The following REEP3 variants were observed in gnomAD, a reference collection of about 807,000 sequenced individuals.
REEP3 encodes the protein receptor accessory protein 3.
In REEP3, 20 loss-of-function variants were observed where a neutral mutation model predicts 41.3. The ratio of observed to expected loss-of-function variants is 0.48; its 90% CI spans 0.34 to 0.70. REEP3 has a LOEUF of 0.70. Among genes scored for constraint, REEP3 ranks in the 30% least tolerant of loss-of-function variants. The probability of loss-of-function intolerance (pLI) is 0.01; values close to 1 mark genes in which losing one functional copy is unlikely to be tolerated. For missense variants in REEP3, 271 were observed against 308.8 expected, an observed-to-expected ratio of 0.88 and a Z score of 0.92; for synonymous variants, 104 against 101.8, an observed-to-expected ratio of 1.02 and a Z score of -0.13.
intron 5 of REEP3, among the ~76,000 whole-genome samples, chr10:63,605,173 A>G (rs1296252700): frequency 1.3e-5 from 2 of 152,244 alleles, no homozygotes; most frequent in Admixed American, 1.3e-4. Flanking sequence ...ATAAATATGT[A>G]TAAGTAGTTT....
At chr10:63,618,823 C>A (rs1481017550) in intron 6 of REEP3, among the ~76,000 whole-genome samples, 4 of 152,220 alleles carry the variant, frequency 2.6e-5, no homozygotes, top group Non-Finnish European at 5.9e-5. Flanking sequence ...AGTTTGAGAA[C>A]CTCAGCTTCA....
chr10:63,599,702 A>G, intron 5 of REEP3: 1 of 984,900 alleles, frequency 1.0e-6, no homozygotes, highest in Non-Finnish European at 1.2e-6. Flanking sequence ...CTCTACTTCA[A>G]TCAATTTGAG....
intron 1 of REEP3, among the ~76,000 whole-genome samples, chr10:63,550,441 G>A (rs10995556): frequency 6.6e-6 from 1 of 152,186 alleles, no homozygotes; most frequent in Non-Finnish European, 1.5e-5. Flanking sequence ...AGTGTCAGCA[G>A]TGTGGATGAA....
At chr10:63,539,709 G>T (rs773360825) in intron 1 of REEP3, among the ~76,000 whole-genome samples, 3 of 152,092 alleles carry the variant, frequency 2.0e-5, no homozygotes, top group Non-Finnish European at 4.4e-5. Context: ...GACGCTTTGG[G>T]TTCTTCATTT....
At chr10:63,611,703 T>C (rs958334166) in intron 6 of REEP3, among the ~76,000 whole-genome samples, 1 of 151,918 alleles carries the variant, frequency 6.6e-6, no homozygotes, top group Non-Finnish European at 1.5e-5. Flanking sequence ...AAAATCATCT[T>C]TATAATTAAA....
chr10:63,577,615 CTTTT>C (rs949275023), intron 2 of REEP3, among the ~76,000 whole-genome samples: 5 of 151,380 alleles, frequency 3.3e-5, no homozygotes, highest in Non-Finnish European at 7.4e-5. Context: ...TTCTTTTTTT[CTTTT>C]TTTTCCTTTT....
chr10:63,610,176 CTG>C lies in REEP3; in HGVS notation c.418-9_418-8del. ...ATTTTTTCTTGGACCTATCACTTCT[CTG>C]TTAAATAGAGCCAAGGAGCAATAAC... On this transcript the variant is annotated splice_polypyrimidine_tract_variant and intron_variant, in intron 5 of 7. Transcript: ENST00000373758. 1 of 1,605,484 alleles carries C rather than the reference CTG, an allele frequency of 6.2e-7. No homozygotes were observed. The highest frequency in any genetic ancestry group is 8.5e-7 in the Non-Finnish European group (1 of 1,175,616).
At chr10:63,573,318 G>A (rs1955870282) in intron 2 of REEP3, among the ~76,000 whole-genome samples, 1 of 152,182 alleles carries the variant, frequency 6.6e-6, no homozygotes, top group African/African-American at 2.4e-5. Context: ...TAATTGAAAT[G>A]TAAACTTACT....
At chr10:63,562,074 A>G (rs1179625122) in intron 1 of REEP3, among the ~76,000 whole-genome samples, 1 of 152,128 alleles carries the variant, frequency 6.6e-6, no homozygotes, top group Non-Finnish European at 1.5e-5. Flanking sequence ...CACTCTAGTT[A>G]GTTTTTCCTT....
At position 63,624,364 on chromosome 10, in the gene REEP3, T is replaced by C. The variant is rs1225430515; in HGVS notation, c.*3495T>C. Reference sequence around the variant, plus strand: ...TTGTAGTATGCTACAGATTTAATTATATTAACTCTTTTTTAAGACATTGAC... The same window carrying C: ...TTGTAGTATGCTACAGATTTAATTACATTAACTCTTTTTTAAGACATTGAC... On this transcript the variant is annotated 3_prime_UTR_variant, in exon 8 of 8. Coordinates refer to ENST00000373758, the MANE Select transcript of REEP3 (RefSeq NM_001001330.3). The C allele has an allele frequency of 1.3e-5, 2 of 152,154 alleles. No homozygotes were observed. The highest frequency in any genetic ancestry group is 2.9e-5 in the Non-Finnish European group (2 of 67,976). 9.4% of individuals were successfully genotyped at this position (152,154 alleles called of 1,614,324 possible). A position where few individuals can be genotyped will look rare whatever the true frequency, so the allele number is the denominator to read the frequency against.
chr10:63,546,426 A>G (rs922663103), intron 1 of REEP3, among the ~76,000 whole-genome samples: 1 of 152,184 alleles, frequency 6.6e-6, no homozygotes, highest in African/African-American at 2.4e-5. Context: ...AAACCTCATG[A>G]GTTCATGAAG....
intron 5 of REEP3, among the ~76,000 whole-genome samples, chr10:63,602,028 C>G (rs1956176339): frequency 6.6e-6 from 1 of 151,966 alleles, no homozygotes; most frequent in Non-Finnish European, 1.5e-5. Context: ...CCACTGGTGC[C>G]CATGTAGCTG....
At chr10:63,542,315 A>G (rs879576033) in intron 1 of REEP3, among the ~76,000 whole-genome samples, 1 of 151,926 alleles carries the variant, frequency 6.6e-6, no homozygotes, top group Non-Finnish European at 1.5e-5. Context: ...ACCTCAGGTG[A>G]TCCACCCGCC....
intron 1 of REEP3, among the ~76,000 whole-genome samples, chr10:63,555,977 T>G (rs1258006082): frequency 6.6e-6 from 1 of 152,176 alleles, no homozygotes; most frequent in Non-Finnish European, 1.5e-5. Flanking sequence ...TAAGTTGTCT[T>G]AGGAACCTGT....
chr10:63,569,582 C>T (rs35479340), intron 2 of REEP3, among the ~76,000 whole-genome samples: 31,059 of 151,766 alleles, frequency 0.2, 4,089 homozygotes, highest in Non-Finnish European at 0.3. Flanking sequence ...AATACCATCC[C>T]TAAAATAAAC....
At chr10:63,536,429 G>A (rs569284140) in intron 1 of REEP3, among the ~76,000 whole-genome samples, 4 of 152,198 alleles carry the variant, frequency 2.6e-5, no homozygotes, top group Non-Finnish European at 4.4e-5. Flanking sequence ...TATGTGAAAA[G>A]TATCTAAATT....
rs1251083487 is a variant in REEP3, at chr10:63,624,135, TAAG to T, written c.*3267_*3269del. ...ATTTTCATTTGATTATCAGGAAAATTAAGGAGTTATATATTTAAAAGCAATTTT... is the reference window on the plus strand; with the variant it reads ...ATTTTCATTTGATTATCAGGAAAATTGAGTTATATATTTAAAAGCAATTTT... On this transcript the variant is annotated 3_prime_UTR_variant, in exon 8 of 8. Transcript: ENST00000373758. 2 of 152,108 alleles carry T rather than the reference TAAG, an allele frequency of 1.3e-5. No homozygotes were observed. Among genetic ancestry groups the T allele is most frequent in the Non-Finnish European group, 2.9e-5 (2 of 67,982 alleles). 9.4% of individuals were successfully genotyped at this position (152,108 alleles called of 1,614,324 possible).
At chr10:63,588,212 T>C (rs1318943127) in intron 2 of REEP3, among the ~76,000 whole-genome samples, 1 of 152,196 alleles carries the variant, frequency 6.6e-6, no homozygotes, top group African/African-American at 2.4e-5. Context: ...CACTCTTTTC[T>C]TCCTTTCTAT....
At chr10:63,562,612 G>A (rs1184400818) in intron 1 of REEP3, 7 of 456,334 alleles carry the variant, frequency 1.5e-5, no homozygotes, top group East Asian at 1.4e-4. Flanking sequence ...AAAATCCCCA[G>A]CAAGAGAAGC....
Sources: gnomAD v4.1 joint callset for allele counts (sites outside exome capture counted in the v4.1 genomes callset) on GRCh38, gnomAD v4.1.1 for gene constraint, MANE v1.5 for transcripts, NCBI Gene and HGNC (gene_info 2026-07-23, HGNC 2026-07-21) for gene names.